Variants in XRCC5 observed in about 807,000 individuals in gnomAD.
XRCC5 encodes the protein X-ray repair cross complementing 5, also known as DNA repair protein Ku80.
XRCC5 carries 12 observed loss-of-function variants against 95.7 expected under a neutral mutation model. That is an observed-to-expected ratio of 0.13 (90% CI 0.08 to 0.20). The LOEUF (loss-of-function observed/expected upper bound fraction) is 0.20. Among genes scored for constraint, XRCC5 ranks in the 10% least tolerant of loss-of-function variants. XRCC5 has a pLI of 1.00. For missense variants in XRCC5, 595 were observed against 873.9 expected, an observed-to-expected ratio of 0.68 and a Z score of 4.02; for synonymous variants, 281 against 290.3, an observed-to-expected ratio of 0.97 and a Z score of 0.33.
At chr2:216,165,510 A>G (rs1689039329) in intron 16 of XRCC5, among the ~76,000 whole-genome samples, 3 of 152,210 alleles carry the variant, frequency 2.0e-5, no homozygotes, top group South Asian at 4.1e-4. Flanking sequence ...CAGCTCCAGA[A>G]TTGATGTCCT....
chr2:216,202,758 GA>G (rs1194844303), intron 19 of XRCC5, among the ~76,000 whole-genome samples: 1 of 152,114 alleles, frequency 6.6e-6, no homozygotes, highest in African/African-American at 2.4e-5. Flanking sequence ...TTAACTGAGG[GA>G]AAAAAAGTCC....
Position 216,120,003 on chromosome 2 carries a change from G to A in XRCC5, c.491+838G>A, listed in dbSNP as rs949205601. On this transcript the variant is annotated intron_variant, in intron 5 of 20. Transcript: ENST00000392132. Reference sequence around the variant, plus strand: ...TGCCAAGAAGCCTCTAGGTTAGAGTGGTAAGCCTTTGGCTTCATAAAATGC... The same window carrying A: ...TGCCAAGAAGCCTCTAGGTTAGAGTAGTAAGCCTTTGGCTTCATAAAATGC... Among the ~76,000 whole-genome samples, 6 of 152,190 alleles carry A rather than the reference G, an allele frequency of 3.9e-5. 1 individual carries two copies. Among genetic ancestry groups the A allele is most frequent in the Non-Finnish European group, 8.8e-5 (6 of 68,032 alleles).
At chr2:216,175,128 A>G (rs1689248882) in intron 16 of XRCC5, 1 of 341,116 alleles carries the variant, frequency 2.9e-6, no homozygotes, top group Admixed American at 3.4e-5. Context: ...CACTATCCCC[A>G]TACCCGCCAT....
At position 216,109,447 on chromosome 2, in the gene XRCC5, C is replaced by T; in HGVS notation, c.11C>T (p.Ser4Leu). The change falls in exon 1 of 21, where the codon TCG becomes TTG. Residue 4 changes from serine to leucine, a missense_variant. By Grantham distance (145) the Ser-to-Leu change is moderately radical. Coordinates refer to ENST00000392132, the MANE Select transcript of XRCC5 (RefSeq NM_021141.4). Reference sequence around the variant, plus strand: ...CTGAGGACCGGCAACATGGTGCGGTCGGGGAATAAGGTATAAAGAAAGCCA... The same window carrying T: ...CTGAGGACCGGCAACATGGTGCGGTTGGGGAATAAGGTATAAAGAAAGCCA... MVR[S>L]GNKAAVVLCM... is the part of the protein sequence containing the mutation. 1 of 1,613,928 alleles carries T rather than the reference C, an allele frequency of 6.2e-7. No individual in the cohort carries two copies. The highest frequency in any genetic ancestry group is 8.5e-7 in the Non-Finnish European group (1 of 1,179,930).
At chr2:216,200,467 C>T (rs1392980719) in intron 19 of XRCC5, among the ~76,000 whole-genome samples, 2 of 152,132 alleles carry the variant, frequency 1.3e-5, no homozygotes, top group East Asian at 3.8e-4. Context: ...ATGAAAATAT[C>T]ACAGTGTTAC....
chr2:216,196,332 C>A (rs1460583297), intron 19 of XRCC5, among the ~76,000 whole-genome samples: 2 of 152,050 alleles, frequency 1.3e-5, no homozygotes, highest in Non-Finnish European at 2.9e-5. Flanking sequence ...GGTGTCTGTA[C>A]CCTCTCTGCC....
At chr2:216,198,133 G>A (rs1375625238) in intron 19 of XRCC5, among the ~76,000 whole-genome samples, 1 of 152,248 alleles carries the variant, frequency 6.6e-6, no homozygotes, top group East Asian at 1.9e-4. Context: ...TACACTTTGA[G>A]CTCACCGAGG....
chr2:216,122,106 G>A lies in XRCC5; in HGVS notation c.536G>A (p.Gly179Glu). 6.2e-7 allele frequency: 1 copy of A among 1,614,072 alleles called. No individual in the cohort carries two copies. Among genetic ancestry groups the A allele is most frequent in the East Asian group, 2.2e-5 (1 of 44,892 alleles). Residue 179 changes from glycine to glutamate, a missense_variant, in exon 6 of 21, where the codon GGA (glycine) becomes GAA (glutamate). This residue lies in a region of XRCC5 where 286 missense variants were observed against 491.1 expected (regional missense o/e 0.58). Transcript: ENST00000392132. ...AAGGAAGATGGAAGTGGGGACAGAG[G>A]AGATGGCCCCTTTCGCTTAGGTGGC... is the stretch of plus-strand genomic sequence containing the variant. ...LGKEDGSGDR[G>E]DGPFRLGGHG...
rs1285106992 is a variant in XRCC5 at position 216,113,112 on chromosome 2, A to G, written c.118A>G (p.Met40Val). 6.2e-7 allele frequency: 1 copy of G among 1,613,744 alleles called. No homozygotes were observed. Among genetic ancestry groups the G allele is most frequent in the African/African-American group, 1.3e-5 (1 of 74,938 alleles). ...PFEQAKKVIT[M>V]FVQRQVFAEN... is the part of the protein sequence containing the mutation. ...TGAACAAGCAAAGAAGGTGATAACC[A>G]TGTTTGTACAGCGACAGGTAAGTTT... is the stretch of plus-strand genomic sequence containing the variant. Residue 40 changes from methionine (M) to valine (V), a missense_variant, in exon 2 of 21, where the codon ATG becomes GTG. This residue lies in a region of XRCC5 where 286 missense variants were observed against 491.1 expected (regional missense o/e 0.58). Coordinates refer to ENST00000392132, the MANE Select transcript of XRCC5 (RefSeq NM_021141.4).
chr2:216,152,113 CTCCCT>C (rs955731307), intron 14 of XRCC5, among the ~76,000 whole-genome samples: 23 of 152,220 alleles, frequency 1.5e-4, no homozygotes, highest in African/African-American at 5.5e-4. Flanking sequence ...CACCCGCTCT[CTCCCT>C]AAACACCTGG....
rs145075126 is a variant in XRCC5, at chr2:216,183,445, T to A, written c.1835-6780T>A. Among the ~76,000 whole-genome samples, 393 of 152,336 alleles carry A rather than the reference T, an allele frequency of 2.6e-3. 1 individual carries two copies. The highest frequency in any genetic ancestry group is 4.3e-3 in the Non-Finnish European group (290 of 68,030). The stretch of plus-strand genomic sequence containing the variant: ...AATCATTAAGCATGAAAAAATGGGC[T>A]CTGACTGAACTTGTGGAACTTAAAT... On this transcript the variant is annotated intron_variant, in intron 16 of 20. Coordinates refer to ENST00000392132, the MANE Select transcript of XRCC5 (RefSeq NM_021141.4).
intron 2 of XRCC5, 98 bp downstream of exon 2, chr2:216,113,227 C>A: frequency 9.9e-7 from 1 of 1,006,654 alleles, no homozygotes; most frequent in Non-Finnish European, 1.5e-6. Flanking sequence ...TAGTGTCCAG[C>A]CCCTCTGTTT....
intron 19 of XRCC5, among the ~76,000 whole-genome samples, chr2:216,199,084 A>C (rs1689787377): frequency 6.6e-6 from 1 of 152,236 alleles, no homozygotes; most frequent in Non-Finnish European, 1.5e-5. Context: ...TATTGCCTTC[A>C]AATGTTCAAT....
chr2:216,205,792 G>A lies in XRCC5; in HGVS notation c.*590G>A, dbSNP rs1364854575. On this transcript the variant is annotated 3_prime_UTR_variant, in exon 21 of 21. Transcript: ENST00000392132. ...CATTACTCTGCCTCTGTATATAGGT[G>A]GTTTTCTTTAAGTGGGGTGGGAAGG... The A allele has an allele frequency of 6.6e-6, 1 of 152,246 alleles. No individual in the cohort carries two copies. 9.4% of individuals were successfully genotyped at this position (152,246 alleles called of 1,614,324 possible). A position where few individuals can be genotyped will look rare whatever the true frequency, so the allele number is the denominator to read the frequency against.
Position 216,141,262 on chromosome 2 carries a change from T to A in XRCC5, c.1419T>A (p.Leu473=). 6.2e-7 allele frequency: 1 copy of A among 1,614,182 alleles called. No individual in the cohort carries two copies. Residue 473 remains leucine, a synonymous_variant, in exon 13 of 21, where the codon CTT becomes CTA. Coordinates refer to ENST00000392132, the MANE Select transcript of XRCC5 (RefSeq NM_021141.4). ...AGAAAGATGAGAAGACAGACACCCT[T>A]GAAGACTTGTTTCCAACCACCAAAA... The part of the protein sequence containing the change: ...LAKKDEKTDT[L]EDLFPTTKIP...
At chr2:216,144,720 CAG>C (rs1288859292) in intron 13 of XRCC5, among the ~76,000 whole-genome samples, 2 of 152,158 alleles carry the variant, frequency 1.3e-5, no homozygotes, top group Non-Finnish European at 2.9e-5. Context: ...AAGTTACAAA[CAG>C]GGTTGCAGAG....
intron 19 of XRCC5, among the ~76,000 whole-genome samples, chr2:216,198,539 T>C (rs1424956599): frequency 1.0e-5 from 1 of 99,938 alleles, no homozygotes; most frequent in Non-Finnish European, 2.1e-5. Flanking sequence ...ATGCTTTTAT[T>C]TATTTATTTA....
At chr2:216,178,277 G>A (rs1298401166) in intron 16 of XRCC5, among the ~76,000 whole-genome samples, 1 of 152,086 alleles carries the variant, frequency 6.6e-6, no homozygotes, top group Non-Finnish European at 1.5e-5. Context: ...GCTTATATGG[G>A]GGAAAATGCA....
At chr2:216,115,448 C>T (rs1249222571) in intron 2 of XRCC5, among the ~76,000 whole-genome samples, 1 of 152,140 alleles carries the variant, frequency 6.6e-6, no homozygotes, top group East Asian at 1.9e-4. Context: ...CTTGTCTAGG[C>T]GGCAGATACC....
Sources: gnomAD v4.1 joint callset for allele counts (sites outside exome capture counted in the v4.1 genomes callset) on GRCh38, gnomAD v4.1.1 for gene constraint, gnomAD v4.1.1 regional missense constraint, MANE v1.5 for transcripts, NCBI Gene and HGNC (gene_info 2026-07-23, HGNC 2026-07-21) for gene names.